The following ANO2 variants were observed in gnomAD, a reference collection of about 807,000 sequenced individuals.
ANO2 encodes the protein anoctamin 2, also known as anoctamin-2.
ANO2 carries 101 observed loss-of-function variants against 124.2 expected under a neutral mutation model. That is an observed-to-expected ratio of 0.81 (90% CI 0.69 to 0.96). The LOEUF (loss-of-function observed/expected upper bound fraction) is 0.96, where lower values mean the gene tolerates loss of function less well. Among genes scored for constraint, ANO2 ranks in the 40% least tolerant of loss-of-function variants. The pLI, the probability that ANO2 is intolerant of heterozygous loss-of-function variation, is 0.00. For missense variants in ANO2, 1,293 were observed against 1,274.5 expected (o/e 1.01, Z -0.22); for synonymous variants, 486 against 482.5 (o/e 1.01, Z -0.09).
chr12:5,655,358 G>A (rs1220587140), intron 14 of ANO2, among the ~76,000 whole-genome samples: 1 of 152,064 alleles, frequency 6.6e-6, no homozygotes, highest in East Asian at 1.9e-4. Context: ...GACTTTTGCA[G>A]GTACCTTAAA....
intron 1 of ANO2, among the ~76,000 whole-genome samples, chr12:5,943,524 G>A (rs1184238797): frequency 1.3e-5 from 2 of 152,078 alleles, no homozygotes; most frequent in Non-Finnish European, 2.9e-5. Context: ...GGTGGGAGGA[G>A]GGATAAGGGA....
At chr12:5,632,983 C>T (rs1363049319) in intron 16 of ANO2, among the ~76,000 whole-genome samples, 2 of 152,106 alleles carry the variant, frequency 1.3e-5, no homozygotes, top group Non-Finnish European at 2.9e-5. Context: ...CGTCATGCCA[C>T]GCTCTTAAAA....
At chr12:5,895,467 C>A (rs1939716212) in intron 3 of ANO2, among the ~76,000 whole-genome samples, 1 of 151,860 alleles carries the variant, frequency 6.6e-6, no homozygotes, top group South Asian at 2.1e-4. Flanking sequence ...TAAACAGAAC[C>A]AGTGAAGAAA....
intron 9 of ANO2, among the ~76,000 whole-genome samples, chr12:5,803,223 G>C (rs188464088): frequency 3.2e-3 from 482 of 152,242 alleles, no homozygotes; most frequent in African/African-American, 0.01. Flanking sequence ...TGACCTATTC[G>C]AACATTTTAG....
intron 16 of ANO2, among the ~76,000 whole-genome samples, chr12:5,616,543 A>G (rs1287142987): frequency 6.6e-6 from 1 of 152,178 alleles, no homozygotes; most frequent in Non-Finnish European, 1.5e-5. Flanking sequence ...AAAAGCACTA[A>G]TACTACATCA....
intron 20 of ANO2, among the ~76,000 whole-genome samples, chr12:5,592,267 A>G (rs1342309141): frequency 6.6e-6 from 1 of 152,090 alleles, no homozygotes; most frequent in Non-Finnish European, 1.5e-5. Context: ...TTGCGACTAG[A>G]GAGGAATAAG....
At chr12:5,575,809 G>A (rs376836289) in intron 23 of ANO2, 25 bp downstream of exon 23, 88 of 1,609,092 alleles carry the variant, frequency 5.5e-5, no homozygotes, top group Non-Finnish European at 7.4e-5. Context: ...GTCCTCTGCT[G>A]CCCTTCTCCT....
intron 14 of ANO2, among the ~76,000 whole-genome samples, chr12:5,674,771 A>C (rs1948160312): frequency 6.6e-6 from 1 of 152,220 alleles, no homozygotes; most frequent in Non-Finnish European, 1.5e-5. Context: ...TCTAAGCCTC[A>C]GTTTCCACAT....
intron 10 of ANO2, among the ~76,000 whole-genome samples, chr12:5,765,050 G>C (rs1311688626): frequency 6.6e-6 from 1 of 152,174 alleles, no homozygotes; most frequent in Non-Finnish European, 1.5e-5. Context: ...CAGCCAGAGA[G>C]GCAGTCCAGG....
At chr12:5,587,893 C>G (rs1354877475) in intron 20 of ANO2, among the ~76,000 whole-genome samples, 1 of 152,142 alleles carries the variant, frequency 6.6e-6, no homozygotes, top group East Asian at 1.9e-4. Flanking sequence ...TGGGCCCCAG[C>G]CCAGGTTCCA....
chr12:5,635,123 G>A lies in ANO2; in HGVS notation c.1816+29C>T, dbSNP rs764353258. On this transcript the variant is annotated intron_variant, in intron 16 of 24. Transcript: ENST00000682330. This position sits in a 1 kb window ranked among gnomAD's most constrained non-coding sequence, Gnocchi z 5.2. ...ACGCATTGACTTAAAGAGGGCCTAG[G>A]ACAGCCAGAAGTCTCGGTGACACAG... is the stretch of plus-strand genomic sequence containing the variant. The A allele has an allele frequency of 1.3e-6, 2 of 1,534,370 alleles. No individual in the cohort carries two copies. Among genetic ancestry groups the A allele is most frequent in the South Asian group, 2.6e-5 (2 of 75,714 alleles).
At chr12:5,621,173 C>T (rs141696322) in intron 16 of ANO2, among the ~76,000 whole-genome samples, 12 of 152,278 alleles carry the variant, frequency 7.9e-5, no homozygotes, top group African/African-American at 2.4e-4. Context: ...GCCCCACCCC[C>T]GCATACAGTT....
At chr12:5,779,660 C>T (rs547816930) in intron 10 of ANO2, among the ~76,000 whole-genome samples, 1 of 152,142 alleles carries the variant, frequency 6.6e-6, no homozygotes, top group Non-Finnish European at 1.5e-5. Flanking sequence ...CAGACCAGAG[C>T]TAACATCACC....
At chr12:5,639,114 T>C (rs891373417) in intron 15 of ANO2, among the ~76,000 whole-genome samples, 1 of 152,062 alleles carries the variant, frequency 6.6e-6, no homozygotes. Flanking sequence ...CAGTTTCCTA[T>C]GGGAAAGACT....
intron 20 of ANO2, among the ~76,000 whole-genome samples, chr12:5,599,129 A>G (rs1943805732): frequency 6.6e-6 from 1 of 152,180 alleles, no homozygotes; most frequent in Non-Finnish European, 1.5e-5. Flanking sequence ...TAAATTTCAG[A>G]TTGTACTATT....
chr12:5,623,072 A>G (rs1183856025), intron 16 of ANO2, among the ~76,000 whole-genome samples: 1 of 152,088 alleles, frequency 6.6e-6, no homozygotes, highest in Non-Finnish European at 1.5e-5. Flanking sequence ...TCTGAGGTTC[A>G]GGAAGGGCTG....
chr12:5,927,615 C>T (rs1415244319), intron 1 of ANO2, among the ~76,000 whole-genome samples: 1 of 152,236 alleles, frequency 6.6e-6, no homozygotes, highest in Non-Finnish European at 1.5e-5. Context: ...CATTTAACCT[C>T]TGGCTCTTTT....
intron 14 of ANO2, among the ~76,000 whole-genome samples, chr12:5,705,182 G>A (rs180772745): frequency 6.6e-6 from 1 of 152,302 alleles, no homozygotes; most frequent in African/African-American, 2.4e-5. Flanking sequence ...CTTTTAGGGG[G>A]TTTATGCTGG....
chr12:5,820,294 G>A (rs1459771465), intron 7 of ANO2, among the ~76,000 whole-genome samples: 1 of 152,158 alleles, frequency 6.6e-6, no homozygotes, highest in African/African-American at 2.4e-5. Flanking sequence ...ATTGGGGAAA[G>A]GGATATGATC....
Sources: gnomAD v4.1 joint callset for allele counts (sites outside exome capture counted in the v4.1 genomes callset) on GRCh38, gnomAD v4.1.1 for gene constraint, Gnocchi (gnomAD v3.1) non-coding constraint, MANE v1.5 for transcripts, NCBI Gene and HGNC (gene_info 2026-07-23, HGNC 2026-07-21) for gene names.